The following PCSK5 variants were observed in gnomAD, a reference collection of about 807,000 sequenced individuals.
PCSK5 encodes prohormone convertase 5.
PCSK5 carries 129 observed loss-of-function variants against 233.2 expected under a neutral mutation model. The observed-to-expected ratio is 0.55, with a 90% CI of 0.48 to 0.64. The LOEUF (loss-of-function observed/expected upper bound fraction) is 0.64, where lower values mean the gene tolerates loss of function less well. PCSK5 is among the 30% of genes least tolerant of loss of function. The pLI, the probability that PCSK5 is intolerant of heterozygous loss-of-function variation, is 0.00. For synonymous variants in PCSK5, 825 were observed against 879.2 expected, an observed-to-expected ratio of 0.94 and a Z score of 1.09; for missense variants, 2,076 against 2,430.1, an observed-to-expected ratio of 0.85 and a Z score of 3.06.
chr9:75,900,940 C>T (rs958169694), intron 1 of PCSK5, among the ~76,000 whole-genome samples: 2 of 151,886 alleles, frequency 1.3e-5, no homozygotes, highest in Non-Finnish European at 1.5e-5. Context: ...GTGTGTGGTA[C>T]AGGAGAAACA....
chr9:76,087,291 C>A lies in PCSK5; in HGVS notation c.895-8599C>A, dbSNP rs536722367. On this transcript the variant is annotated intron_variant, in intron 7 of 37. Coordinates refer to ENST00000674117, the MANE Select transcript of PCSK5 (RefSeq NM_001372043.1). ...ATGTTCTACCAAATTTATATTCTAGCAGATATGGTGGATAAGTAACTCAAT... is the reference window on the plus strand; with the variant it reads ...ATGTTCTACCAAATTTATATTCTAGAAGATATGGTGGATAAGTAACTCAAT... Among the ~76,000 whole-genome samples, 62 of 152,228 alleles carry A rather than the reference C, an allele frequency of 4.1e-4. 1 individual carries two copies. The highest frequency in any genetic ancestry group is 1.8e-4 in the Non-Finnish European group (12 of 68,050).
intron 28 of PCSK5, among the ~76,000 whole-genome samples, chr9:76,307,852 T>C (rs751287580): frequency 6.6e-6 from 1 of 151,152 alleles, no homozygotes; most frequent in Non-Finnish European, 1.5e-5. Context: ...AGAAAAGAAG[T>C]TCCTCCACGA....
Position 76,302,142 on chromosome 9 carries a change from G to A in PCSK5, c.3529G>A (p.Val1177Met). Residue 1177 changes from valine to methionine, a missense_variant, in exon 28 of 38, where the codon GTG (valine) becomes ATG (methionine). Val to Met is a conservative substitution (Grantham distance 21, BLOSUM62 1). Transcript: ENST00000674117. ...TTTTTTTTTTAATAAAAAAGAAGCT[G>A]TGTCCACTGCAAACCTATCTGTGGT... ...QEEGKFWNEA[V>M]STANLSVVKS... is the part of the protein sequence containing the mutation. The A allele has an allele frequency of 7.6e-7, 1 of 1,315,740 alleles. No individual in the cohort carries two copies. The highest frequency in any genetic ancestry group is 1.0e-6 in the Non-Finnish European group (1 of 998,578). The allele number at this position is 1,315,740 out of a possible 1,614,324, so 81.5% of individuals were successfully genotyped here.
chr9:76,211,859 C>A (rs1825341490), intron 20 of PCSK5, among the ~76,000 whole-genome samples: 1 of 151,876 alleles, frequency 6.6e-6, no homozygotes, highest in African/African-American at 2.4e-5. Context: ...AAAAAAAAAT[C>A]AAAGTCATGC....
chr9:76,318,177 G>A (rs995412909), intron 30 of PCSK5, among the ~76,000 whole-genome samples: 5 of 152,030 alleles, frequency 3.3e-5, no homozygotes, highest in South Asian at 2.1e-4. Flanking sequence ...GGACATGGAC[G>A]AAGCTGGAAA....
chr9:76,236,222 C>A lies in PCSK5; in HGVS notation c.2866+2626C>A, dbSNP rs183794742. Among the ~76,000 whole-genome samples, 986 of 152,318 alleles carry A rather than the reference C, an allele frequency of 6.5e-3. 5 individuals carry two copies. The highest frequency in any genetic ancestry group is 0.017 in the Middle Eastern group (5 of 294). Reference sequence around the variant, plus strand: ...TTATTTTCAGAATCCCTGCACCTTTCTTTTATCCTTTCCAGCAGTCCTTTT... The same window carrying A: ...TTATTTTCAGAATCCCTGCACCTTTATTTTATCCTTTCCAGCAGTCCTTTT... On this transcript the variant is annotated intron_variant, in intron 22 of 37. Transcript: ENST00000674117.
At chr9:76,194,840 G>C (rs1457940864) in intron 20 of PCSK5, 11 of 429,144 alleles carry the variant, frequency 2.6e-5, no homozygotes, top group South Asian at 7.0e-5. Context: ...CATCTTGCAG[G>C]CTTCATGCTT....
intron 2 of PCSK5, among the ~76,000 whole-genome samples, chr9:75,979,276 C>A (rs879416454): frequency 1.3e-5 from 2 of 151,902 alleles, no homozygotes; most frequent in Non-Finnish European, 2.9e-5. Flanking sequence ...AAAAAAAAAA[C>A]CAGTTCATAC....
chr9:76,197,225 A>G (rs942472903), intron 20 of PCSK5, among the ~76,000 whole-genome samples: 1 of 152,212 alleles, frequency 6.6e-6, no homozygotes, highest in African/African-American at 2.4e-5. Context: ...AGAAAAATCT[A>G]CATTTGTACA....
At chr9:76,142,080 C>G (rs1385535095) in intron 10 of PCSK5, among the ~76,000 whole-genome samples, 1 of 152,080 alleles carries the variant, frequency 6.6e-6, no homozygotes, top group African/African-American at 2.4e-5. Flanking sequence ...AGCCCCATGA[C>G]ATGAGTTTAC....
intron 24 of PCSK5, among the ~76,000 whole-genome samples, chr9:76,289,274 CTT>C (rs1273731947): frequency 6.6e-6 from 1 of 152,106 alleles, no homozygotes; most frequent in Admixed American, 6.6e-5. Context: ...TTTCTGAAGA[CTT>C]TTTTCCAAAT....
intron 12 of PCSK5, among the ~76,000 whole-genome samples, chr9:76,165,812 T>A (rs1823063495): frequency 6.6e-6 from 1 of 152,222 alleles, no homozygotes; most frequent in South Asian, 2.1e-4. Context: ...GTCTGATCTC[T>A]TCACTGTTGG....
intron 1 of PCSK5, among the ~76,000 whole-genome samples, chr9:75,928,875 T>G (rs1823642690): frequency 6.6e-6 from 1 of 151,914 alleles, no homozygotes; most frequent in South Asian, 2.1e-4. Flanking sequence ...ACTAGAGATT[T>G]TGAGCTGTAT....
chr9:75,898,773 G>A (rs7024035), intron 1 of PCSK5, among the ~76,000 whole-genome samples: 88,188 of 151,824 alleles, frequency 0.58, 27,505 homozygotes, highest in African/African-American at 0.79. Flanking sequence ...TTTATATTGA[G>A]GATCTCTGAG....
At chr9:76,159,262 A>G in intron 12 of PCSK5, 91 bp downstream of exon 12, 1 of 1,162,586 alleles carries the variant, frequency 8.6e-7, no homozygotes, top group Non-Finnish European at 1.2e-6. Context: ...GCTTTCACCT[A>G]ACCTGGGAAC....
intron 5 of PCSK5, among the ~76,000 whole-genome samples, chr9:76,058,929 G>C (rs372958409): frequency 6.8e-4 from 104 of 152,188 alleles, no homozygotes; most frequent in African/African-American, 2.5e-3. Flanking sequence ...AGGATCACTT[G>C]AGCCCAGGAG....
intron 24 of PCSK5, among the ~76,000 whole-genome samples, chr9:76,282,537 C>G (rs1827915157): frequency 6.6e-6 from 1 of 151,996 alleles, no homozygotes; most frequent in Admixed American, 6.6e-5. Flanking sequence ...AGGCTGATCT[C>G]AAACTCCTGG....
chr9:76,031,046 G>A (rs971237027), intron 5 of PCSK5, among the ~76,000 whole-genome samples: 1 of 152,184 alleles, frequency 6.6e-6, no homozygotes, highest in Non-Finnish European at 1.5e-5. Context: ...TTTTATGGAA[G>A]TCAGCAGTGC....
chr9:76,135,546 C>T (rs986076507), intron 10 of PCSK5, among the ~76,000 whole-genome samples: 23 of 152,104 alleles, frequency 1.5e-4, no homozygotes, highest in Admixed American at 3.9e-4. Context: ...ATTGCATTCT[C>T]TGAAGCCCAA....
Sources: gnomAD v4.1 joint callset for allele counts (sites outside exome capture counted in the v4.1 genomes callset) on GRCh38, gnomAD v4.1.1 for gene constraint, MANE v1.5 for transcripts, NCBI Gene and HGNC (gene_info 2026-07-23, HGNC 2026-07-21) for gene names.